ACYP2: variants seen among roughly 807,000 people sequenced by gnomAD.
The protein encoded by ACYP2 is acylphosphatase 2, also known as acylphosphatase-2.
A neutral mutation model predicts 11.2 loss-of-function variants in ACYP2; 12 were observed. The observed-to-expected ratio is 1.08, with a 90% CI of 0.69 to 1.74. The LOEUF (loss-of-function observed/expected upper bound fraction) is 1.74. Ranked by LOEUF, ACYP2 falls within the 40% of genes most tolerant of loss-of-function variation. The probability of loss-of-function intolerance (pLI) is 0.00; values close to 1 mark genes in which losing one functional copy is unlikely to be tolerated. For missense variants in ACYP2, 134 were observed against 101.9 expected, an observed-to-expected ratio of 1.31 and a Z score of -1.35; for synonymous variants, 43 against 32.2, an observed-to-expected ratio of 1.33 and a Z score of -1.13.
Position 54,018,302 on chromosome 2 carries a change from T to C in ACYP2, c.63-32656T>C, listed in dbSNP as rs191392067. ...AATTTGTATTTCCATTAGATTCCCATGTTACACTGATGTTGCTGATTCAGG... is the reference window on the plus strand; with the variant it reads ...AATTTGTATTTCCATTAGATTCCCACGTTACACTGATGTTGCTGATTCAGG... On this transcript the variant is annotated intron_variant, in intron 2 of 6. Coordinates refer to ENST00000607452, the MANE Select transcript of ACYP2 (RefSeq NM_001320586.2). Among the ~76,000 whole-genome samples, 4 of 152,300 alleles carry C rather than the reference T, an allele frequency of 2.6e-5. No homozygotes were observed. In the East Asian group the frequency reaches 7.7e-4, roughly 29 times the overall value.
chr2:54,030,362 G>A (rs1674519255), intron 2 of ACYP2, among the ~76,000 whole-genome samples: 3 of 152,162 alleles, frequency 2.0e-5, no homozygotes, highest in Admixed American at 1.3e-4. Flanking sequence ...ATTTTGGTTT[G>A]CTCCAGGTTA....
chr2:53,991,217 A>C (rs1294382860), intron 2 of ACYP2, among the ~76,000 whole-genome samples: 1 of 152,228 alleles, frequency 6.6e-6, no homozygotes, highest in Non-Finnish European at 1.5e-5. Context: ...GCTGAGTAGC[A>C]TTCTATGAAC....
chr2:54,223,146 C>G (rs907894993), intron 6 of ACYP2: 1 of 152,144 alleles, frequency 6.6e-6, no homozygotes. Flanking sequence ...TCTTGGGAAA[C>G]AGCATCAGTT....
At chr2:54,063,284 C>A (rs1259002479) in intron 4 of ACYP2, among the ~76,000 whole-genome samples, 1 of 152,026 alleles carries the variant, frequency 6.6e-6, no homozygotes, top group East Asian at 1.9e-4. Context: ...CTGCACCTGG[C>A]CATAATAATA....
intron 4 of ACYP2, among the ~76,000 whole-genome samples, chr2:54,096,520 C>G (rs1210667559): frequency 6.6e-6 from 1 of 152,108 alleles, no homozygotes; most frequent in Non-Finnish European, 1.5e-5. Flanking sequence ...AAGATCACGC[C>G]ACTGCACTCC....
intron 4 of ACYP2, among the ~76,000 whole-genome samples, chr2:54,118,453 G>A (rs1292177541): frequency 6.6e-6 from 1 of 152,204 alleles, no homozygotes; most frequent in Non-Finnish European, 1.5e-5. Flanking sequence ...TGAGATGCAT[G>A]TCTTATTCCT....
chr2:54,095,480 A>ACCTC lies in ACYP2; in HGVS notation c.277+38123_277+38126dup, dbSNP rs1350981887. ...GGGCGGCCGGGCAGAGGCGCCCCTC[A>ACCTC]CCTCCCGGACGGGGCGGCTGGCTGG... On this transcript the variant is annotated intron_variant, in intron 4 of 6. Transcript: ENST00000607452. Among the ~76,000 whole-genome samples, 69 of 148,552 alleles carry ACCTC rather than the reference A, an allele frequency of 4.6e-4. No homozygotes were observed. The Middle Eastern group carries it at 0.024, about 53-fold the overall frequency.
intron 2 of ACYP2, among the ~76,000 whole-genome samples, chr2:54,022,258 C>A (rs1428804880): frequency 6.6e-6 from 1 of 151,896 alleles, no homozygotes; most frequent in East Asian, 1.9e-4. Context: ...GACATCTTAC[C>A]CCTGACAGGG....
At chr2:54,070,270 CAAAAA>C (rs200624759) in intron 4 of ACYP2, among the ~76,000 whole-genome samples, 1 of 89,932 alleles carries the variant, frequency 1.1e-5, no homozygotes, top group Admixed American at 1.2e-4. Context: ...AAGTCCATCT[CAAAAA>C]AAAAAAAAAA....
At position 54,255,196 on chromosome 2, in the gene ACYP2, C is replaced by G. The variant is rs1687434706; in HGVS notation, c.405-49492C>G. On this transcript the variant is annotated intron_variant, in intron 6 of 6. Transcript: ENST00000607452. Reference sequence around the variant, plus strand: ...TAGAGTGGAAAAAGACACCACTTGGCCGAAGGATCTGACCTCATACACCTT... The same window carrying G: ...TAGAGTGGAAAAAGACACCACTTGGGCGAAGGATCTGACCTCATACACCTT... 2.5e-6 allele frequency: 4 copies of G among 1,614,056 alleles called. No individual in the cohort carries two copies. In the South Asian group the frequency reaches 4.4e-5, roughly 18 times the overall value.
chr2:54,199,619 A>C (rs1257646361), intron 6 of ACYP2, among the ~76,000 whole-genome samples: 1 of 152,208 alleles, frequency 6.6e-6, no homozygotes, highest in Non-Finnish European at 1.5e-5. Context: ...CTGCTTTTGG[A>C]TAGGGACAGA....
At chr2:53,985,252 A>G (rs1222953961) in intron 2 of ACYP2, among the ~76,000 whole-genome samples, 1 of 151,898 alleles carries the variant, frequency 6.6e-6, no homozygotes, top group African/African-American at 2.4e-5. Context: ...TGTATTTTTA[A>G]TAGAGACAGG....
At chr2:54,169,692 TC>T in intron 6 of ACYP2, among the ~76,000 whole-genome samples, 1 of 152,300 alleles carries the variant, frequency 6.6e-6, no homozygotes, top group East Asian at 1.9e-4. Flanking sequence ...CGGTTTTTTT[TC>T]CATCGAGAAA....
intron 2 of ACYP2, among the ~76,000 whole-genome samples, chr2:53,994,157 C>G (rs374528796): frequency 1.6e-3 from 236 of 152,054 alleles, no homozygotes; most frequent in African/African-American, 5.4e-3. Context: ...GGTGAAAACC[C>G]TTCTCTACTA....
intron 6 of ACYP2, among the ~76,000 whole-genome samples, chr2:54,200,849 C>T (rs1024055060): frequency 6.8e-6 from 1 of 147,556 alleles, no homozygotes; most frequent in Non-Finnish European, 1.5e-5. Flanking sequence ...CCAAAAGTGT[C>T]TGTTTCATTT....
At chr2:54,201,632 C>CTTTCTTTG (rs1684801036) in intron 6 of ACYP2, among the ~76,000 whole-genome samples, 3 of 74,294 alleles carry the variant, frequency 4.0e-5, no homozygotes, top group Admixed American at 1.3e-4. Context: ...TTGTTTCTTT[C>CTTTCTTTG]TTTCTCTTTC....
chr2:54,183,414 C>A (rs1417865334), intron 6 of ACYP2, among the ~76,000 whole-genome samples: 2 of 151,998 alleles, frequency 1.3e-5, no homozygotes, highest in Non-Finnish European at 2.9e-5. Flanking sequence ...TGCCTGTAAT[C>A]TCAGCACTTT....
intron 6 of ACYP2, among the ~76,000 whole-genome samples, chr2:54,238,863 T>A (rs1004246572): frequency 6.6e-6 from 1 of 151,552 alleles, no homozygotes; most frequent in African/African-American, 2.4e-5. Flanking sequence ...AAAACTGATA[T>A]CCCTACCAAC....
At chr2:54,076,753 G>T (rs1234426033) in intron 4 of ACYP2, among the ~76,000 whole-genome samples, 1 of 152,106 alleles carries the variant, frequency 6.6e-6, no homozygotes, top group Non-Finnish European at 1.5e-5. Context: ...ATTTGGCTTG[G>T]CCTGGAGTGG....
Sources: allele counts gnomAD v4.1 joint callset (sites outside exome capture counted in the v4.1 genomes callset), GRCh38; gene constraint gnomAD v4.1.1; transcripts MANE v1.5; gene names NCBI Gene and HGNC (gene_info 2026-07-23, HGNC 2026-07-21).